PCNP: variants seen among roughly 807,000 people sequenced by gnomAD.
The protein encoded by PCNP is PEST proteolytic signal containing nuclear protein, also known as PEST proteolytic signal-containing nuclear protein.
In PCNP, 6 loss-of-function variants were observed where a neutral mutation model predicts 21.8. The observed-to-expected ratio is 0.28, with a 90% CI of 0.15 to 0.54. The LOEUF (loss-of-function observed/expected upper bound fraction) is 0.54. Among genes scored for constraint, PCNP ranks in the 20% least tolerant of loss-of-function variants. The probability of loss-of-function intolerance (pLI) is 0.95; values close to 1 mark genes in which losing one functional copy is unlikely to be tolerated. For synonymous variants in PCNP, 67 were observed against 73.2 expected, an observed-to-expected ratio of 0.92 and a Z score of 0.43; for missense variants, 161 against 215.5, an observed-to-expected ratio of 0.75 and a Z score of 1.58.
At chr3:101,577,712 C>T (rs1210468852) in intron 1 of PCNP, among the ~76,000 whole-genome samples, 1 of 152,062 alleles carries the variant, frequency 6.6e-6, no homozygotes, top group Non-Finnish European at 1.5e-5. Context: ...TTAGTAGAGA[C>T]GGGGTTTTGC....
intron 2 of PCNP, among the ~76,000 whole-genome samples, chr3:101,582,697 T>G (rs1228889238): frequency 6.6e-6 from 1 of 152,164 alleles, no homozygotes; most frequent in Non-Finnish European, 1.5e-5. Context: ...AAAAAATGTG[T>G]GTGGTATAAA....
chr3:101,583,056 A>G (rs532947005), intron 2 of PCNP, among the ~76,000 whole-genome samples: 12 of 152,188 alleles, frequency 7.9e-5, no homozygotes, highest in South Asian at 4.1e-4. Flanking sequence ...GGCCAGGTGC[A>G]GTGGCTCATG....
chr3:101,576,933 G>C (rs116074383), intron 1 of PCNP: 42,039 of 1,530,630 alleles, frequency 0.027, 711 homozygotes, highest in Non-Finnish European at 0.032. Flanking sequence ...ACTTTTCAGG[G>C]ATCACTAGCG....
intron 1 of PCNP, chr3:101,576,481 C>G: frequency 1.3e-6 from 2 of 1,566,744 alleles, no homozygotes; most frequent in South Asian, 1.1e-5. Context: ...CAGACAAGGC[C>G]TACAGACTTA....
intron 3 of PCNP, 43 bp from the exon 4 acceptor site, chr3:101,590,172 A>C (rs1935731609): frequency 9.6e-7 from 1 of 1,045,340 alleles, no homozygotes; most frequent in African/African-American, 1.6e-5. Context: ...GAATTGAATA[A>C]GTTTGTATGC....
chr3:101,574,172 G>C (rs1934722893), upstream of PCNP: 1 of 1,542,022 alleles, frequency 6.5e-7, no homozygotes, highest in Non-Finnish European at 8.8e-7. Flanking sequence ...GGGCGGGGTC[G>C]TGACGTCCTT....
chr3:101,576,752 G>T, intron 1 of PCNP: 3 of 1,611,192 alleles, frequency 1.9e-6, no homozygotes, highest in Non-Finnish European at 1.7e-6. Flanking sequence ...GTGATCACAC[G>T]TTCCACCTCA....
At chr3:101,580,358 G>C (rs555103725) in intron 2 of PCNP, among the ~76,000 whole-genome samples, 1 of 151,930 alleles carries the variant, frequency 6.6e-6, no homozygotes, top group South Asian at 2.1e-4. Flanking sequence ...TTGAGCCCAG[G>C]AATTTCAGAC....
At chr3:101,586,036 T>G (rs767346236) in intron 3 of PCNP, among the ~76,000 whole-genome samples, 7 of 151,896 alleles carry the variant, frequency 4.6e-5, no homozygotes, top group Non-Finnish European at 1.0e-4. Flanking sequence ...ACAGGCGTGG[T>G]GGCACAGGCC....
At chr3:101,581,675 C>G (rs1935228239) in intron 2 of PCNP, among the ~76,000 whole-genome samples, 3 of 152,158 alleles carry the variant, frequency 2.0e-5, no homozygotes, top group Non-Finnish European at 4.4e-5. Context: ...CTCAGGTGAT[C>G]TGTCCACCTC....
intron 4 of PCNP, among the ~76,000 whole-genome samples, chr3:101,590,538 C>T (rs1261014511): frequency 6.6e-6 from 1 of 152,114 alleles, no homozygotes; most frequent in South Asian, 2.1e-4. Flanking sequence ...TATCTTAAGA[C>T]ATAACAATAA....
At chr3:101,578,011 A>G (rs1456187395) in intron 1 of PCNP, among the ~76,000 whole-genome samples, 1 of 152,200 alleles carries the variant, frequency 6.6e-6, no homozygotes, top group Admixed American at 6.5e-5. Flanking sequence ...TTAGTAAAGA[A>G]TCTAGTAATT....
At chr3:101,577,476 A>T (rs1290724605) in intron 1 of PCNP, among the ~76,000 whole-genome samples, 2 of 152,174 alleles carry the variant, frequency 1.3e-5, no homozygotes, top group African/African-American at 4.8e-5. Flanking sequence ...CAGAATGCAA[A>T]TGGGTTATGA....
At chr3:101,578,296 G>A (rs889284388) in intron 1 of PCNP, among the ~76,000 whole-genome samples, 2 of 152,188 alleles carry the variant, frequency 1.3e-5, no homozygotes, top group Admixed American at 6.5e-5. Context: ...TAAAATTAGC[G>A]TAAGTGCTTT....
At chr3:101,592,211 T>C (rs1935850434) in intron 4 of PCNP, among the ~76,000 whole-genome samples, 1 of 152,132 alleles carries the variant, frequency 6.6e-6, no homozygotes, top group East Asian at 1.9e-4. Flanking sequence ...TCTTGCTCTG[T>C]TGCCCAGGCT....
intron 4 of PCNP, among the ~76,000 whole-genome samples, chr3:101,590,630 G>C (rs754196491): frequency 6.6e-6 from 1 of 151,720 alleles, no homozygotes; most frequent in Admixed American, 6.6e-5. Flanking sequence ...CTGCAGCCTC[G>C]ATCTCCCACA....
chr3:101,586,350 C>T (rs1460492676), intron 3 of PCNP, among the ~76,000 whole-genome samples: 1 of 151,970 alleles, frequency 6.6e-6, no homozygotes, highest in Non-Finnish European at 1.5e-5. Context: ...TTTCCTCATG[C>T]CCCTCACAAT....
At chr3:101,581,490 A>G (rs982812746) in intron 2 of PCNP, among the ~76,000 whole-genome samples, 7 of 151,822 alleles carry the variant, frequency 4.6e-5, no homozygotes, top group Non-Finnish European at 7.4e-5. Flanking sequence ...CTGGAGTGCA[A>G]TGGCACAATC....
intron 3 of PCNP, among the ~76,000 whole-genome samples, chr3:101,586,526 G>A (rs2108286180): frequency 1.2e-5 from 1 of 82,900 alleles, no homozygotes; most frequent in South Asian, 4.6e-4. Flanking sequence ...GTTCCCAAAA[G>A]CATATGTGGG....
Sources: allele counts gnomAD v4.1 joint callset (sites outside exome capture counted in the v4.1 genomes callset), GRCh38; gene constraint gnomAD v4.1.1; transcripts MANE v1.5; gene names NCBI Gene and HGNC (gene_info 2026-07-23, HGNC 2026-07-21).